Variants in DENND1A observed in about 807,000 individuals in gnomAD.
DENND1A encodes the protein DENN domain containing 1A.
Under a neutral mutation model 113.7 loss-of-function variants are expected in DENND1A, and 51 were observed. The observed-to-expected ratio is 0.45, with a 90% CI of 0.36 to 0.57. The LOEUF is 0.57. DENND1A is among the 20% of genes least tolerant of loss of function. DENND1A has a pLI of 0.00. For missense variants in DENND1A, 1,258 were observed against 1,395.9 expected, an observed-to-expected ratio of 0.90 and a Z score of 1.57; for synonymous variants, 565 against 570.8, an observed-to-expected ratio of 0.99 and a Z score of 0.14.
At chr9:123,417,521 G>A (rs2044837538) in intron 19 of DENND1A, among the ~76,000 whole-genome samples, 1 of 152,176 alleles carries the variant, frequency 6.6e-6, no homozygotes, top group African/African-American at 2.4e-5. Context: ...AGCTAGTAGC[G>A]AAAACTAAAA....
chr9:123,515,865 GA>G (rs912099167), intron 13 of DENND1A, among the ~76,000 whole-genome samples: 1 of 151,984 alleles, frequency 6.6e-6, no homozygotes, highest in Non-Finnish European at 1.5e-5. Context: ...CCAGGAGTTT[GA>G]GGCCAGTCTG....
At chr9:123,888,956 CTGTGTGTGTGTGTGTG>C (rs58270598) in intron 1 of DENND1A, among the ~76,000 whole-genome samples, 291 of 131,174 alleles carry the variant, frequency 2.2e-3, no homozygotes, top group Middle Eastern at 7.2e-3. Context: ...GTGCTTTAAA[CTGTGTGTGTGTGTGTG>C]TGTGTGTGTG....
chr9:123,722,813 G>A (rs536419196), intron 5 of DENND1A, among the ~76,000 whole-genome samples: 1 of 152,254 alleles, frequency 6.6e-6, no homozygotes, highest in African/African-American at 2.4e-5. Context: ...CAGGAGTGGG[G>A]GCCCTCATGG....
At chr9:123,446,913 G>GA (rs1326138112) in intron 18 of DENND1A, among the ~76,000 whole-genome samples, 1 of 152,178 alleles carries the variant, frequency 6.6e-6, no homozygotes, top group Non-Finnish European at 1.5e-5. Context: ...TGATACCGAA[G>GA]AAAAAAGAGA....
In DENND1A at chr9:123,842,846, A is replaced by G. The variant is rs116159996; in HGVS notation, c.88+36105T>C. The stretch of plus-strand genomic sequence containing the variant: ...AAAATGCAAAAATACTCAATATATT[A>G]ATACTAGCAAACCAAATCCAGCAAC... On this transcript the variant is annotated intron_variant, in intron 2 of 23. Coordinates refer to ENST00000394215, the MANE Select transcript of DENND1A (RefSeq NM_001352964.2). Among the ~76,000 whole-genome samples, 361 of 152,312 alleles carry G rather than the reference A, an allele frequency of 2.4e-3. 2 individuals carry two copies. The highest frequency in any genetic ancestry group is 8.4e-3 in the African/African-American group (351 of 41,584).
At chr9:123,634,550 T>A (rs577069781) in intron 9 of DENND1A, among the ~76,000 whole-genome samples, 2 of 152,236 alleles carry the variant, frequency 1.3e-5, no homozygotes, top group African/African-American at 2.4e-5. Context: ...TAAAGGCCTA[T>A]GTTCATTCCT....
intron 13 of DENND1A, among the ~76,000 whole-genome samples, chr9:123,525,010 G>A (rs772103199): frequency 3.3e-5 from 5 of 152,162 alleles, no homozygotes; most frequent in Admixed American, 6.5e-5. Flanking sequence ...ACCTCTTATC[G>A]CTAAGGCGTT....
At chr9:123,570,427 G>A (rs1030453672) in intron 12 of DENND1A, among the ~76,000 whole-genome samples, 1 of 152,162 alleles carries the variant, frequency 6.6e-6, no homozygotes, top group Non-Finnish European at 1.5e-5. Context: ...TTCACCAAGA[G>A]AAAAATGAGG....
intron 2 of DENND1A, among the ~76,000 whole-genome samples, chr9:123,845,452 G>A (rs534988002): frequency 6.6e-6 from 1 of 151,750 alleles, no homozygotes; most frequent in Non-Finnish European, 1.5e-5. Context: ...ATCACTTGAG[G>A]CCAGGAGTTC....
At chr9:123,592,796 T>C (rs1428550905) in intron 11 of DENND1A, among the ~76,000 whole-genome samples, 1 of 152,156 alleles carries the variant, frequency 6.6e-6, no homozygotes, top group Non-Finnish European at 1.5e-5. Context: ...CATGCCACTG[T>C]GCCCAGCTTT....
At position 123,643,654 on chromosome 9, in the gene DENND1A, G is replaced by A. The variant is rs10986079; in HGVS notation, c.618+8359C>T. ...AAGATACGCCCCAGGGCTCCACCAA[G>A]GCCGCACTCATGGTAGGAATAGGGT... On this transcript the variant is annotated intron_variant, in intron 9 of 23. Coordinates refer to ENST00000394215, the MANE Select transcript of DENND1A (RefSeq NM_001352964.2). Among the ~76,000 whole-genome samples the A allele has an allele frequency of 3.3e-5, 5 of 152,186 alleles. No individual in the cohort carries two copies. In the East Asian group the frequency reaches 7.7e-4, roughly 23 times the overall value.
chr9:123,741,304 G>A (rs1164645107), intron 5 of DENND1A, among the ~76,000 whole-genome samples: 1 of 152,164 alleles, frequency 6.6e-6, no homozygotes, highest in Non-Finnish European at 1.5e-5. Flanking sequence ...TGATTAAAGT[G>A]GAAAGAGATA....
chr9:123,668,733 C>G (rs1048305447), intron 7 of DENND1A, among the ~76,000 whole-genome samples: 1 of 152,128 alleles, frequency 6.6e-6, no homozygotes, highest in African/African-American at 2.4e-5. Flanking sequence ...CTTAAAAAAG[C>G]CTTCTTCGAT....
intron 4 of DENND1A, among the ~76,000 whole-genome samples, chr9:123,761,606 G>A (rs111437005): frequency 0.011 from 1,635 of 152,254 alleles, 32 homozygotes; most frequent in African/African-American, 0.036. Context: ...GGGTGCCACA[G>A]CTTACCAGGA....
intron 13 of DENND1A, among the ~76,000 whole-genome samples, chr9:123,525,333 G>T (rs899439627): frequency 1.3e-5 from 2 of 152,190 alleles, no homozygotes; most frequent in Non-Finnish European, 2.9e-5. Context: ...ACTCTTGTTG[G>T]GGGTAAGTGG....
At chr9:123,543,678 C>T (rs1437473795) in intron 13 of DENND1A, among the ~76,000 whole-genome samples, 1 of 152,200 alleles carries the variant, frequency 6.6e-6, no homozygotes, top group Non-Finnish European at 1.5e-5. Context: ...TACTTCCTGC[C>T]CCCTGCTCCT....
At chr9:123,504,507 C>T (rs2052751214) in intron 13 of DENND1A, among the ~76,000 whole-genome samples, 1 of 152,188 alleles carries the variant, frequency 6.6e-6, no homozygotes, top group Admixed American at 6.5e-5. Flanking sequence ...ATTTAAATGT[C>T]TTAGGTTTTA....
intron 21 of DENND1A, among the ~76,000 whole-genome samples, chr9:123,395,560 C>T (rs930425855): frequency 8.6e-5 from 13 of 151,714 alleles, no homozygotes; most frequent in Non-Finnish European, 4.4e-5. Context: ...CTGTGACCTT[C>T]TGCTCATGTG....
chr9:123,713,942 G>A (rs2066804663), intron 5 of DENND1A, among the ~76,000 whole-genome samples: 1 of 151,882 alleles, frequency 6.6e-6, no homozygotes, highest in Admixed American at 6.6e-5. Flanking sequence ...ATGGAGAGAA[G>A]AGTTAAAAAA....
Sources: allele counts gnomAD v4.1 joint callset (sites outside exome capture counted in the v4.1 genomes callset), GRCh38; gene constraint gnomAD v4.1.1; transcripts MANE v1.5; gene names NCBI Gene and HGNC (gene_info 2026-07-23, HGNC 2026-07-21).